The following UPB1 variants were observed in gnomAD, a reference collection of about 807,000 sequenced individuals.
UPB1 encodes beta-ureidopropionase 1, also known as beta-ureidopropionase.
Under a neutral mutation model 49.1 loss-of-function variants are expected in UPB1, and 40 were observed. That is an observed-to-expected ratio of 0.81 (90% confidence interval 0.63 to 1.06). The LOEUF (loss-of-function observed/expected upper bound fraction) is 1.06. UPB1 is among the 50% of genes least tolerant of loss of function. UPB1 has a pLI of 0.00. For synonymous variants in UPB1, 207 were observed against 198.2 expected (o/e 1.04, Z -0.38); for missense variants, 499 against 505.9 (o/e 0.99, Z 0.13).
intron 4 of UPB1, among the ~76,000 whole-genome samples, chr22:24,512,775 G>A (rs2044228889): frequency 6.6e-6 from 1 of 152,100 alleles, no homozygotes; most frequent in African/African-American, 2.4e-5. Context: ...TACACAAGTG[G>A]AATCATACAG....
At chr22:24,514,400 C>T (rs1219999236) in intron 5 of UPB1, among the ~76,000 whole-genome samples, 1 of 152,178 alleles carries the variant, frequency 6.6e-6, no homozygotes, top group African/African-American at 2.4e-5. Context: ...GGGCTTGTCT[C>T]AGCACAGCAG....
intron 1 of UPB1, among the ~76,000 whole-genome samples, chr22:24,496,796 A>C (rs1358378794): frequency 7.0e-5 from 2 of 28,422 alleles, no homozygotes; most frequent in Non-Finnish European, 1.3e-4. Flanking sequence ...GGAGGTGAGG[A>C]CTCTGGGGCA....
At chr22:24,523,916 T>G in intron 9 of UPB1, 143 bp downstream of exon 9, 1 of 1,276,812 alleles carries the variant, frequency 7.8e-7, no homozygotes, top group South Asian at 1.2e-5. Flanking sequence ...GAGGGCTGAA[T>G]CTCTGCCTCC....
chr22:24,504,075 GAC>G (rs1211084943), intron 3 of UPB1, among the ~76,000 whole-genome samples: 1 of 152,254 alleles, frequency 6.6e-6, no homozygotes, highest in Non-Finnish European at 1.5e-5. Context: ...GGGTTGGACA[GAC>G]AGGCATTAGG....
intron 8 of UPB1, among the ~76,000 whole-genome samples, chr22:24,522,768 C>CT (rs1340620845): frequency 7.1e-6 from 1 of 140,122 alleles, no homozygotes. Flanking sequence ...CCAGTCTCTA[C>CT]TAAAAAAAAA....
rs146554810 is a variant in UPB1, at chr22:24,521,996, C to T, written c.884C>T (p.Pro295Leu). Residue 295 changes from proline to leucine, a missense_variant, in exon 8 of 10, where the codon CCG becomes CTG. Pro to Leu is a moderately conservative substitution (Grantham distance 98, BLOSUM62 -3). Coordinates refer to ENST00000326010, the MANE Select transcript of UPB1 (RefSeq NM_016327.3). ...GGTCTTATTTCACAGGAGCACTTCCCGAACGAGTTTACCTCGGGAGATGGA... is the reference window on the plus strand; with the variant it reads ...GGTCTTATTTCACAGGAGCACTTCCTGAACGAGTTTACCTCGGGAGATGGA... ...AINRVGTEHF[P>L]NEFTSGDGKK... 1.5e-5 allele frequency: 25 copies of T among 1,614,000 alleles called. No individual in the cohort carries two copies. Among genetic ancestry groups the T allele is most frequent in the Non-Finnish European group, 2.0e-5 (24 of 1,180,008 alleles).
At chr22:24,502,507 T>C in intron 3 of UPB1, 1 of 780,200 alleles carries the variant, frequency 1.3e-6, no homozygotes, top group Non-Finnish European at 2.4e-6. Flanking sequence ...TGTAATTCCC[T>C]CCAGCTGGTC....
chr22:24,509,124 C>G (rs1430701327), intron 3 of UPB1, among the ~76,000 whole-genome samples: 1 of 152,112 alleles, frequency 6.6e-6, no homozygotes, highest in East Asian at 1.9e-4. Context: ...CATTTACTCA[C>G]AGTGAGGCAC....
chr22:24,508,016 C>A (rs563039084), intron 3 of UPB1, among the ~76,000 whole-genome samples: 3 of 152,174 alleles, frequency 2.0e-5, no homozygotes, highest in Non-Finnish European at 4.4e-5. Flanking sequence ...ACTCCCCTGG[C>A]CCCCTCCGCC....
intron 5 of UPB1, among the ~76,000 whole-genome samples, chr22:24,513,749 A>G (rs1284526439): frequency 6.6e-6 from 1 of 152,134 alleles, no homozygotes; most frequent in Non-Finnish European, 1.5e-5. Context: ...TTTTAATACA[A>G]CCTGATTTGG....
chr22:24,513,111 C>T (rs572026881), intron 4 of UPB1, among the ~76,000 whole-genome samples: 1 of 152,298 alleles, frequency 6.6e-6, no homozygotes, highest in South Asian at 2.1e-4. Context: ...TCCAGAGCAG[C>T]TGCACCATTT....
chr22:24,512,344 G>A (rs1013457108), intron 4 of UPB1, among the ~76,000 whole-genome samples: 1 of 152,146 alleles, frequency 6.6e-6, no homozygotes, highest in Non-Finnish European at 1.5e-5. Flanking sequence ...TTCTGAGCAT[G>A]CCTCTCCCCT....
intron 1 of UPB1, among the ~76,000 whole-genome samples, chr22:24,496,584 C>A (rs1285119058): frequency 6.6e-5 from 10 of 152,148 alleles, no homozygotes; most frequent in Admixed American, 6.5e-4. Context: ...ACAGTAGCTT[C>A]AGGGTCTGCA....
Position 24,521,935 on chromosome 22 carries a change from G to A in UPB1, c.874-51G>A, listed in dbSNP as rs763115389. On this transcript the variant is annotated intron_variant, in intron 7 of 9. Coordinates refer to ENST00000326010, the MANE Select transcript of UPB1 (RefSeq NM_016327.3). ...TCTGGCTGAGTGAGCTGGAATGAGTGTAGTGGTAGTGCCACCTATAGGTTC... is the reference window on the plus strand; with the variant it reads ...TCTGGCTGAGTGAGCTGGAATGAGTATAGTGGTAGTGCCACCTATAGGTTC... 1.4e-5 allele frequency: 22 copies of A among 1,592,870 alleles called. 1 individual carries two copies. The South Asian group carries it at 2.3e-4, about 17-fold the overall frequency.
chr22:24,523,604 T>G lies in UPB1; in HGVS notation c.917-15T>G, dbSNP rs773585039. ...CTACACAAGCTCACAGATGTGTTTC[T>G]TTGTTCCTTTAAAGCTCACCAGGAC... On this transcript the variant is annotated splice_polypyrimidine_tract_variant and intron_variant, in intron 8 of 9. Transcript: ENST00000326010. 3.1e-6 allele frequency: 5 copies of G among 1,614,216 alleles called. No homozygotes were observed. Among genetic ancestry groups the G allele is most frequent in the Non-Finnish European group, 4.2e-6 (5 of 1,180,036 alleles).
In UPB1 at chr22:24,521,957, G is replaced by T. The variant is rs539881546; in HGVS notation, c.874-29G>T. On this transcript the variant is annotated intron_variant, in intron 7 of 9. Transcript: ENST00000326010. ...AGTGTAGTGGTAGTGCCACCTATAG[G>T]TTCCTCTTACCTTGGTCTTATTTCA... The T allele has an allele frequency of 1.4e-5, 22 of 1,613,720 alleles. No individual in the cohort carries two copies. In the East Asian group the frequency reaches 4.0e-4, roughly 29 times the overall value.
chr22:24,499,131 C>G (rs2043942843), intron 1 of UPB1, among the ~76,000 whole-genome samples: 1 of 152,190 alleles, frequency 6.6e-6, no homozygotes. Flanking sequence ...TCAGAGCTGT[C>G]AGGGCCGTCA....
intron 8 of UPB1, among the ~76,000 whole-genome samples, chr22:24,522,368 C>G (rs1601516765): frequency 6.6e-6 from 1 of 152,196 alleles, no homozygotes; most frequent in East Asian, 1.9e-4. Flanking sequence ...TTTCCACTTT[C>G]CTTTGTCCTT....
intron 8 of UPB1, among the ~76,000 whole-genome samples, chr22:24,522,965 AAAT>A (rs987070832): frequency 6.6e-6 from 1 of 151,304 alleles, no homozygotes; most frequent in African/African-American, 2.4e-5. Flanking sequence ...AAAAAAAAAA[AAAT>A]GCCAGAAGGG....
Sources: allele counts gnomAD v4.1 joint callset (sites outside exome capture counted in the v4.1 genomes callset), GRCh38; gene constraint gnomAD v4.1.1; transcripts MANE v1.5; gene names NCBI Gene and HGNC (gene_info 2026-07-23, HGNC 2026-07-21).